SKIL: variants seen among roughly 807,000 people sequenced by gnomAD.
SKIL encodes the protein SKI like proto-oncogene, also known as ski-like protein.
SKIL carries 20 observed loss-of-function variants against 69.6 expected under a neutral mutation model. The ratio of observed to expected loss-of-function variants is 0.29; its 90% CI spans 0.20 to 0.42. The LOEUF (loss-of-function observed/expected upper bound fraction) is 0.42. SKIL is among the 10% of genes least tolerant of loss of function. The probability of loss-of-function intolerance (pLI) is 1.00; values close to 1 mark genes in which losing one functional copy is unlikely to be tolerated. For synonymous variants in SKIL, 310 were observed against 279.9 expected, an observed-to-expected ratio of 1.11 and a Z score of -1.08; for missense variants, 745 against 783.1, an observed-to-expected ratio of 0.95 and a Z score of 0.58.
In SKIL at chr3:170,384,750, T is replaced by C. The variant is rs1181708796; in HGVS notation, c.1414T>C (p.Leu472=). 6.4e-7 allele frequency: 1 copy of C among 1,561,086 alleles called. No individual in the cohort carries two copies. The highest frequency in any genetic ancestry group is 1.7e-5 in the Admixed American group (1 of 58,894). Residue 472 remains leucine, a synonymous_variant, in exon 4 of 7, where the codon TTA becomes CTA. Coordinates refer to ENST00000259119, the MANE Select transcript of SKIL (RefSeq NM_005414.5). The part of the protein sequence containing the change: ...EKMDLKTSRE[L]CSRLDASISN... ...AATGGATTTAAAAACAAGTAGAGAATTATGTAGCCGTTTAGGTAAGTATTC... is the reference window on the plus strand; with the variant it reads ...AATGGATTTAAAAACAAGTAGAGAACTATGTAGCCGTTTAGGTAAGTATTC...
chr3:170,363,515 C>T (rs1228455245), intron 2 of SKIL, among the ~76,000 whole-genome samples: 7 of 151,040 alleles, frequency 4.6e-5, no homozygotes, highest in South Asian at 2.1e-4. Context: ...GACAGAGTTT[C>T]GCTCCTGTTG....
chr3:170,367,478 TA>T (rs75641603), intron 2 of SKIL, among the ~76,000 whole-genome samples: 2,611 of 17,194 alleles, frequency 0.15, 101 homozygotes, highest in African/African-American at 0.2. Context: ...TTTTTTTTTT[TA>T]AATTGAGATG....
At chr3:170,373,982 G>C (rs1213609715) in intron 2 of SKIL, among the ~76,000 whole-genome samples, 1 of 152,122 alleles carries the variant, frequency 6.6e-6, no homozygotes, top group Non-Finnish European at 1.5e-5. Context: ...TTTGTATTTA[G>C]AAAGGAGTGA....
At chr3:170,376,276 A>G (rs1011667975) in intron 2 of SKIL, among the ~76,000 whole-genome samples, 2 of 150,592 alleles carry the variant, frequency 1.3e-5, no homozygotes, top group African/African-American at 2.4e-5. Context: ...CGAACTCCGG[A>G]CCTCAAATGA....
At chr3:170,370,132 G>T (rs942670599) in intron 2 of SKIL, among the ~76,000 whole-genome samples, 1 of 151,950 alleles carries the variant, frequency 6.6e-6, no homozygotes, top group East Asian at 1.9e-4. Flanking sequence ...CCAGCTACTC[G>T]GGAGGCTGAG....
At chr3:170,379,478 G>GA (rs1553854059) in intron 2 of SKIL, among the ~76,000 whole-genome samples, 1 of 59,138 alleles carries the variant, frequency 1.7e-5, no homozygotes, top group Non-Finnish European at 4.7e-5. Context: ...AGTGAGTCTT[G>GA]CCCCCCCTTT....
At position 170,361,447 on chromosome 3, in the gene SKIL, A is replaced by AT. The variant is rs1560205352; in HGVS notation, c.1098+23dup. On this transcript the variant is annotated intron_variant, in intron 2 of 6. Coordinates refer to ENST00000259119, the MANE Select transcript of SKIL (RefSeq NM_005414.5). ...AATCCAAGGCAAGTTTTTTATATCA[A>AT]TTTTTAATAATGGTAATGGTTTACT... 4 of 1,507,634 alleles carry AT rather than the reference A, an allele frequency of 2.7e-6. No individual in the cohort carries two copies. The highest frequency in any genetic ancestry group is 3.6e-6 in the Non-Finnish European group (4 of 1,121,688). 93.4% of individuals were successfully genotyped at this position (1,507,634 alleles called of 1,614,324 possible).
At chr3:170,381,882 C>T (rs1737372649) in intron 3 of SKIL, among the ~76,000 whole-genome samples, 1 of 151,810 alleles carries the variant, frequency 6.6e-6, no homozygotes, top group Non-Finnish European at 1.5e-5. Flanking sequence ...GAGATCGAGA[C>T]CATCCTGGCT....
intron 2 of SKIL, among the ~76,000 whole-genome samples, chr3:170,366,231 A>C (rs1736504824): frequency 6.6e-6 from 1 of 151,834 alleles, no homozygotes; most frequent in South Asian, 2.1e-4. Flanking sequence ...AAATGAAACA[A>C]CTTAATTATT....
intron 1 of SKIL, among the ~76,000 whole-genome samples, chr3:170,359,207 C>T (rs1011899927): frequency 6.6e-6 from 1 of 152,176 alleles, no homozygotes; most frequent in Non-Finnish European, 1.5e-5. Flanking sequence ...AAATTGCTTT[C>T]CTATTTAAAT....
chr3:170,387,203 A>C (rs1737678185), intron 4 of SKIL, among the ~76,000 whole-genome samples: 1 of 151,906 alleles, frequency 6.6e-6, no homozygotes, highest in Non-Finnish European at 1.5e-5. Context: ...TATTATTAGT[A>C]AGAGACAGGG....
At chr3:170,382,867 C>T (rs764957596) in intron 3 of SKIL, among the ~76,000 whole-genome samples, 27 of 151,630 alleles carry the variant, frequency 1.8e-4, no homozygotes, top group African/African-American at 5.8e-4. Flanking sequence ...TACAGGCATC[C>T]GCTGCTACGC....
chr3:170,361,572 GT>G, intron 2 of SKIL, 143 bp downstream of exon 2: 1 of 696,302 alleles, frequency 1.4e-6, no homozygotes, highest in Non-Finnish European at 2.4e-6. Flanking sequence ...TTGTATTGCA[GT>G]TTTTAGGCCA....
At chr3:170,367,049 T>C (rs1019337823) in intron 2 of SKIL, among the ~76,000 whole-genome samples, 7 of 152,244 alleles carry the variant, frequency 4.6e-5, no homozygotes, top group African/African-American at 1.7e-4. Flanking sequence ...TACTTAAGAT[T>C]ATTTTCAAAC....
chr3:170,384,128 G>GT (rs1737497998), intron 3 of SKIL, among the ~76,000 whole-genome samples: 1 of 151,570 alleles, frequency 6.6e-6, no homozygotes, highest in African/African-American at 2.4e-5. Context: ...AGGTGGGAGG[G>GT]TATCACTTGA....
At position 170,390,247 on chromosome 3, in the gene SKIL, C is replaced by T. The variant is rs772525881; in HGVS notation, c.1454C>T (p.Thr485Ile). 1.9e-6 allele frequency: 3 copies of T among 1,611,252 alleles called. No individual in the cohort carries two copies. The highest frequency in any genetic ancestry group is 2.2e-5 in the South Asian group (2 of 90,984). ...RLDASISNNS[T>I]SKRKSESATC... Reference sequence around the variant, plus strand: ...GATGCATCAATCTCAAATAATTCTACAAGTAAAAGGAAATCTGAGTCTGCC... The same window carrying T: ...GATGCATCAATCTCAAATAATTCTATAAGTAAAAGGAAATCTGAGTCTGCC... Residue 485 changes from threonine to isoleucine, a missense_variant, in exon 5 of 7, where the codon ACA becomes ATA. Transcript: ENST00000259119.
chr3:170,373,984 A>T (rs1339541481), intron 2 of SKIL, among the ~76,000 whole-genome samples: 1 of 152,192 alleles, frequency 6.6e-6, no homozygotes, highest in Non-Finnish European at 1.5e-5. Flanking sequence ...TGTATTTAGA[A>T]AGGAGTGACA....
chr3:170,392,203 G>A (rs534659706), intron 6 of SKIL, 56 bp from the exon 7 acceptor site: 1 of 1,359,326 alleles, frequency 7.4e-7, no homozygotes, highest in Non-Finnish European at 1.0e-6. Context: ...TATGATATGA[G>A]GATTAAATGG....
intron 3 of SKIL, among the ~76,000 whole-genome samples, chr3:170,383,737 A>G (rs1043684697): frequency 6.6e-6 from 1 of 152,192 alleles, no homozygotes; most frequent in Non-Finnish European, 1.5e-5. Flanking sequence ...GAGGTATATA[A>G]GAAGAGCCCT....
Sources: allele counts gnomAD v4.1 joint callset (sites outside exome capture counted in the v4.1 genomes callset), GRCh38; gene constraint gnomAD v4.1.1; transcripts MANE v1.5; gene names NCBI Gene and HGNC (gene_info 2026-07-23, HGNC 2026-07-21).